SHISA9: variants seen among roughly 807,000 people sequenced by gnomAD.
SHISA9 encodes the protein protein shisa-9.
Under a neutral mutation model 38.0 loss-of-function variants are expected in SHISA9, and 13 were observed. The observed-to-expected ratio is 0.34, with a 90% CI of 0.22 to 0.54. The LOEUF is 0.54. Among genes scored for constraint, SHISA9 ranks in the 20% least tolerant of loss-of-function variants. The pLI is 0.91. For missense variants in SHISA9, 538 were observed against 575.8 expected, an observed-to-expected ratio of 0.93 and a Z score of 0.67; for synonymous variants, 275 against 242.0, an observed-to-expected ratio of 1.14 and a Z score of -1.27.
intron 1 of SHISA9, among the ~76,000 whole-genome samples, chr16:12,903,539 C>G (rs956475110): frequency 2.0e-5 from 3 of 151,932 alleles, no homozygotes; most frequent in Non-Finnish European, 4.4e-5. Flanking sequence ...TTTTAAGTGT[C>G]TAAATCGATT....
intron 2 of SHISA9, among the ~76,000 whole-genome samples, chr16:13,097,137 A>G (rs547882521): frequency 4.6e-5 from 7 of 152,278 alleles, no homozygotes; most frequent in African/African-American, 1.7e-4. Flanking sequence ...AGTAATACTA[A>G]ATGGGTGAAT....
At chr16:13,402,222 G>A in the SHISA9 span, among the ~76,000 whole-genome samples, 1 of 152,152 alleles carries the variant, frequency 6.6e-6, no homozygotes, top group Non-Finnish European at 1.5e-5. Context: ...TCTGCAAGTT[G>A]GAGAACCAGG....
At chr16:13,473,931 G>C in the SHISA9 span, among the ~76,000 whole-genome samples, 3 of 152,128 alleles carry the variant, frequency 2.0e-5, no homozygotes, top group Non-Finnish European at 2.9e-5. Context: ...GATACATATT[G>C]TGTAATACCA....
intron 2 of SHISA9, among the ~76,000 whole-genome samples, chr16:13,036,089 T>G (rs1362887021): frequency 6.6e-6 from 1 of 152,200 alleles, no homozygotes; most frequent in Non-Finnish European, 1.5e-5. Flanking sequence ...TGTTTTTAAA[T>G]AAAGTTTAAC....
chr16:13,339,335 A>G, the SHISA9 span, among the ~76,000 whole-genome samples: 1 of 152,168 alleles, frequency 6.6e-6, no homozygotes, highest in African/African-American at 2.4e-5. Context: ...AAATGGAACC[A>G]GTGGAGAGAG....
chr16:13,086,845 G>C (rs1011179826), intron 2 of SHISA9, among the ~76,000 whole-genome samples: 2 of 139,268 alleles, frequency 1.4e-5, no homozygotes, highest in African/African-American at 6.5e-5. Context: ...TATTTCATCT[G>C]TTTTCTTTTT....
At chr16:12,988,803 G>A (rs1369130270) in intron 2 of SHISA9, among the ~76,000 whole-genome samples, 1 of 152,096 alleles carries the variant, frequency 6.6e-6, no homozygotes, top group Non-Finnish European at 1.5e-5. Flanking sequence ...GGGATTACAG[G>A]TGTGAGCCCC....
At chr16:12,935,258 A>G (rs958704980) in intron 2 of SHISA9, among the ~76,000 whole-genome samples, 1 of 152,120 alleles carries the variant, frequency 6.6e-6, no homozygotes, top group Non-Finnish European at 1.5e-5. Flanking sequence ...ACCTCTAAAG[A>G]CCCAAACAAA....
rs947269698 is a variant in SHISA9, at chr16:13,061,869, T to C, written c.692-141525T>C. 1.3e-4 allele frequency among the ~76,000 whole-genome samples: 20 copies of C among 151,998 alleles called. 2 individuals are homozygous for C. Among genetic ancestry groups the C allele is most frequent in the Admixed American group, 1.0e-3 (16 of 15,264 alleles). On this transcript the variant is annotated intron_variant, in intron 2 of 4. Coordinates refer to ENST00000558583, the MANE Select transcript of SHISA9 (RefSeq NM_001145204.3). ...CAAGACTCAAAGGCTAAAAAAGATA[T>C]AGAGCCATTGAATGGTGGGGGGAGG...
chr16:12,998,285 C>G (rs545598156), intron 2 of SHISA9, among the ~76,000 whole-genome samples: 1 of 152,314 alleles, frequency 6.6e-6, no homozygotes, highest in East Asian at 1.9e-4. Flanking sequence ...GAAAAATAAG[C>G]ACTAACATGT....
At chr16:13,099,152 TC>T (rs1243725866) in intron 2 of SHISA9, among the ~76,000 whole-genome samples, 2 of 152,208 alleles carry the variant, frequency 1.3e-5, no homozygotes, top group African/African-American at 4.8e-5. Flanking sequence ...CACTGACCGA[TC>T]ATCTATGGCT....
chr16:12,924,494 C>T (rs1014025188), intron 2 of SHISA9, among the ~76,000 whole-genome samples: 3 of 152,176 alleles, frequency 2.0e-5, no homozygotes, highest in African/African-American at 7.2e-5. Context: ...CAGCCACCAA[C>T]ATTCTTATTC....
At chr16:12,975,444 A>G (rs1248481755) in intron 2 of SHISA9, among the ~76,000 whole-genome samples, 1 of 152,126 alleles carries the variant, frequency 6.6e-6, no homozygotes, top group Non-Finnish European at 1.5e-5. Context: ...TGGAGGTTGC[A>G]GTGAGCTGAG....
At chr16:13,160,537 C>T (rs1265011885) in intron 2 of SHISA9, among the ~76,000 whole-genome samples, 1 of 152,130 alleles carries the variant, frequency 6.6e-6, no homozygotes, top group Non-Finnish European at 1.5e-5. Context: ...CTGTGAGGTT[C>T]TACACTGGGT....
At chr16:13,304,214 A>T in the SHISA9 span, among the ~76,000 whole-genome samples, 1 of 152,138 alleles carries the variant, frequency 6.6e-6, no homozygotes, top group South Asian at 2.1e-4. Flanking sequence ...TCCAGGCTGG[A>T]TTTGTGTGAA....
At chr16:13,032,557 G>T (rs1057506879) in intron 2 of SHISA9, among the ~76,000 whole-genome samples, 21 of 152,140 alleles carry the variant, frequency 1.4e-4, no homozygotes, top group Admixed American at 2.0e-4. Context: ...GCATGATTTT[G>T]TATAATGCAG....
At chr16:13,054,429 A>G (rs553901371) in intron 2 of SHISA9, among the ~76,000 whole-genome samples, 1 of 152,202 alleles carries the variant, frequency 6.6e-6, no homozygotes. Flanking sequence ...GCAAATGATG[A>G]CTGTTCTATT....
chr16:13,287,464 A>C, the SHISA9 span, among the ~76,000 whole-genome samples: 1 of 152,368 alleles, frequency 6.6e-6, no homozygotes, highest in East Asian at 1.9e-4. Flanking sequence ...GGAGTTAATC[A>C]GGTAAAGATC....
chr16:13,471,323 T>A, the SHISA9 span, among the ~76,000 whole-genome samples: 2 of 152,204 alleles, frequency 1.3e-5, no homozygotes, highest in African/African-American at 2.4e-5. Context: ...TAACATTTTT[T>A]AAATGTTTTA....
Sources: allele counts gnomAD v4.1 joint callset (sites outside exome capture counted in the v4.1 genomes callset), GRCh38; gene constraint gnomAD v4.1.1; transcripts MANE v1.5; gene names NCBI Gene and HGNC (gene_info 2026-07-23, HGNC 2026-07-21).